HEMK2: variants seen among roughly 807,000 people sequenced by gnomAD.
HEMK2 encodes methyltransferase HEMK2.
At chr21:28,611,153 A>G in the HEMK2 span, among the ~76,000 whole-genome samples, 1 of 152,214 alleles carries the variant, frequency 6.6e-6, no homozygotes, top group Non-Finnish European at 1.5e-5. Context: ...GATAGGCCAC[A>G]AAACAAATCT....
chr21:28,714,982 T>A, the HEMK2 span, among the ~76,000 whole-genome samples: 1 of 152,196 alleles, frequency 6.6e-6, no homozygotes, highest in Non-Finnish European at 1.5e-5. Context: ...CATTCTTTTT[T>A]ATAGCTTTGT....
At chr21:28,726,454 A>T in the HEMK2 span, among the ~76,000 whole-genome samples, 4 of 152,216 alleles carry the variant, frequency 2.6e-5, no homozygotes, top group African/African-American at 9.6e-5. Context: ...GTTAATATCA[A>T]TGTTGTTCTT....
the HEMK2 span, among the ~76,000 whole-genome samples, chr21:28,793,093 TTCTC>T: frequency 6.6e-6 from 1 of 152,214 alleles, no homozygotes; most frequent in Non-Finnish European, 1.5e-5. Flanking sequence ...AGTGTCTTGT[TTCTC>T]TATCTATACA....
the HEMK2 span, among the ~76,000 whole-genome samples, chr21:28,863,479 G>A: frequency 4.6e-5 from 4 of 87,522 alleles, no homozygotes; most frequent in Non-Finnish European, 6.5e-5. Flanking sequence ...TACTTCATTA[G>A]TTCTGTCCCT....
chr21:28,821,723 T>G, the HEMK2 span, among the ~76,000 whole-genome samples: 2 of 152,176 alleles, frequency 1.3e-5, no homozygotes, highest in African/African-American at 4.8e-5. Context: ...CAATCGCTAA[T>G]AATAAAAACA....
the HEMK2 span, among the ~76,000 whole-genome samples, chr21:28,728,819 G>T: frequency 2.0e-5 from 3 of 152,184 alleles, no homozygotes; most frequent in Admixed American, 6.5e-5. Context: ...CACAAGGGAA[G>T]AAACTGAAGA....
At chr21:28,767,264 C>A in the HEMK2 span, among the ~76,000 whole-genome samples, 2 of 151,916 alleles carry the variant, frequency 1.3e-5, no homozygotes, top group Non-Finnish European at 2.9e-5. Context: ...AAACCTCTTT[C>A]TTTTGTATAT....
At chr21:28,639,265 T>C in the HEMK2 span, among the ~76,000 whole-genome samples, 3 of 152,226 alleles carry the variant, frequency 2.0e-5, no homozygotes, top group African/African-American at 4.8e-5. Context: ...TAAATATTTG[T>C]GTGCCTTATG....
chr21:28,722,246 T>G, the HEMK2 span, among the ~76,000 whole-genome samples: 1 of 151,698 alleles, frequency 6.6e-6, no homozygotes, highest in Non-Finnish European at 1.5e-5. Flanking sequence ...ACAAAAAAAT[T>G]TAAAGGGGGA....
chr21:28,879,282 G>A, the HEMK2 span, among the ~76,000 whole-genome samples: 7 of 151,732 alleles, frequency 4.6e-5, no homozygotes, highest in African/African-American at 1.5e-4. Flanking sequence ...TCGCACTATC[G>A]TCCAGGCTGG....
At chr21:28,812,997 T>C in the HEMK2 span, among the ~76,000 whole-genome samples, 1 of 152,170 alleles carries the variant, frequency 6.6e-6, no homozygotes, top group East Asian at 1.9e-4. Flanking sequence ...TTTATCATTT[T>C]TTATTGTGTC....
chr21:28,640,705 C>T, the HEMK2 span, among the ~76,000 whole-genome samples: 4 of 116,622 alleles, frequency 3.4e-5, no homozygotes, highest in East Asian at 8.0e-4. Flanking sequence ...AAAACAAATC[C>T]AATCCTCTAG....
At chr21:28,781,296 T>C in the HEMK2 span, among the ~76,000 whole-genome samples, 2 of 152,248 alleles carry the variant, frequency 1.3e-5, no homozygotes, top group Non-Finnish European at 2.9e-5. Context: ...TTCTGTTCTA[T>C]ATCAACTTTA....
At chr21:28,788,485 C>T in the HEMK2 span, among the ~76,000 whole-genome samples, 30,233 of 151,540 alleles carry the variant, frequency 0.2, 3,340 homozygotes, top group East Asian at 0.41. Context: ...GAGTACAAAA[C>T]GGCATAAGAA....
the HEMK2 span, among the ~76,000 whole-genome samples, chr21:28,855,029 T>G: frequency 6.6e-6 from 1 of 152,184 alleles, no homozygotes; most frequent in African/African-American, 2.4e-5. Flanking sequence ...CAACCTTGAA[T>G]GTAAATGGGC....
chr21:28,864,889 T>TAGATGATATAGATAA, the HEMK2 span, among the ~76,000 whole-genome samples: 94 of 95,462 alleles, frequency 9.8e-4, no homozygotes, highest in South Asian at 2.9e-3. Context: ...TAGATATAGA[T>TAGATGATATAGATAA]GATAGATAGA....
the HEMK2 span, among the ~76,000 whole-genome samples, chr21:28,700,700 C>T: frequency 6.6e-6 from 1 of 152,076 alleles, no homozygotes; most frequent in Non-Finnish European, 1.5e-5. Context: ...GATTCACAGC[C>T]AAATTCTACC....
chr21:28,631,925 T>C, the HEMK2 span, among the ~76,000 whole-genome samples: 1 of 152,164 alleles, frequency 6.6e-6, no homozygotes, highest in Admixed American at 6.6e-5. Context: ...TTTTATCAAT[T>C]TATATTATTT....
the HEMK2 span, among the ~76,000 whole-genome samples, chr21:28,799,557 T>C: frequency 1.3e-5 from 2 of 152,190 alleles, no homozygotes; most frequent in African/African-American, 2.4e-5. Context: ...CTCCTCATCA[T>C]CTCACTGAGA....
Sources: allele counts gnomAD v4.1 joint callset (sites outside exome capture counted in the v4.1 genomes callset), GRCh38; gene constraint gnomAD v4.1.1; transcripts MANE v1.5; gene names NCBI Gene and HGNC (gene_info 2026-07-23, HGNC 2026-07-21).